Variants in CSMD1 observed in about 807,000 individuals in gnomAD.
CSMD1 encodes the protein CUB and Sushi multiple domains 1.
A neutral mutation model predicts 417.5 loss-of-function variants in CSMD1; 213 were observed. The observed-to-expected ratio is 0.51, with a 90% CI of 0.46 to 0.57. CSMD1 has a LOEUF of 0.57. Among genes scored for constraint, CSMD1 ranks in the 20% least tolerant of loss-of-function variants. The pLI is 0.00. For synonymous variants in CSMD1, 2,862 were observed against 1,736.8 expected (o/e 1.65, Z -16.11); for missense variants, 6,923 against 4,529.7 (o/e 1.53, Z -15.17).
At chr8:3,254,157 A>ATTCTGGGTTGAAAGTTCTT (rs902461151) in intron 26 of CSMD1, among the ~76,000 whole-genome samples, 3 of 152,158 alleles carry the variant, frequency 2.0e-5, no homozygotes, top group Admixed American at 1.3e-4. Flanking sequence ...CGGATATGAA[A>ATTCTGGGTTGAAAGTTCTT]TTCTGGGTTG....
At chr8:3,705,252 G>A (rs1460587452) in intron 7 of CSMD1, among the ~76,000 whole-genome samples, 1 of 152,208 alleles carries the variant, frequency 6.6e-6, no homozygotes, top group Non-Finnish European at 1.5e-5. Flanking sequence ...AGAGGGACAT[G>A]AACGCACAAG....
At chr8:3,657,036 C>CTG (rs1563241342) in intron 7 of CSMD1, among the ~76,000 whole-genome samples, 1 of 143,582 alleles carries the variant, frequency 7.0e-6, no homozygotes, top group Non-Finnish European at 1.6e-5. Flanking sequence ...AGGAAAGTGT[C>CTG]TGCCAGGGCA....
chr8:3,555,228 T>C (rs1321418210), intron 10 of CSMD1, among the ~76,000 whole-genome samples: 1 of 150,556 alleles, frequency 6.6e-6, no homozygotes, highest in Non-Finnish European at 1.5e-5. Flanking sequence ...TGAGCAGTGC[T>C]TGTGAAATGT....
intron 2 of CSMD1, among the ~76,000 whole-genome samples, chr8:4,570,882 T>C (rs1798861575): frequency 6.6e-6 from 1 of 152,196 alleles, no homozygotes. Context: ...AGAGTATGTG[T>C]ACCCAGGAAT....
At chr8:3,869,585 C>G (rs892604368) in intron 5 of CSMD1, among the ~76,000 whole-genome samples, 1 of 152,098 alleles carries the variant, frequency 6.6e-6, no homozygotes. Context: ...ACCTATCTAT[C>G]AGATATAAAT....
intron 11 of CSMD1, among the ~76,000 whole-genome samples, chr8:3,476,631 A>G (rs1817442085): frequency 6.6e-6 from 1 of 152,050 alleles, no homozygotes; most frequent in Non-Finnish European, 1.5e-5. Flanking sequence ...ATAAATAATG[A>G]ATCAGCCAGG....
At chr8:3,365,749 C>T (rs1809520239) in intron 20 of CSMD1, among the ~76,000 whole-genome samples, 1 of 152,156 alleles carries the variant, frequency 6.6e-6, no homozygotes, top group Non-Finnish European at 1.5e-5. Flanking sequence ...AAGAGTTACC[C>T]TCAGGTTTTC....
chr8:4,151,642 T>C (rs1368961985), intron 3 of CSMD1, among the ~76,000 whole-genome samples: 1 of 152,210 alleles, frequency 6.6e-6, no homozygotes, highest in Non-Finnish European at 1.5e-5. Context: ...ATCAAGAATC[T>C]GTGGCATCAT....
intron 2 of CSMD1, among the ~76,000 whole-genome samples, chr8:4,560,740 A>G (rs1323707237): frequency 6.6e-6 from 1 of 152,160 alleles, no homozygotes; most frequent in African/African-American, 2.4e-5. Context: ...TTCGGTTCCC[A>G]TCTTTCCTTC....
At chr8:4,435,089 C>G (rs573909588) in intron 2 of CSMD1, among the ~76,000 whole-genome samples, 1 of 151,712 alleles carries the variant, frequency 6.6e-6, no homozygotes, top group African/African-American at 2.4e-5. Context: ...AAAATGGAAG[C>G]CATTAACAGT....
At chr8:4,643,380 T>A (rs977616013) in intron 1 of CSMD1, among the ~76,000 whole-genome samples, 1 of 152,230 alleles carries the variant, frequency 6.6e-6, no homozygotes, top group Non-Finnish European at 1.5e-5. Flanking sequence ...AGGCAGATTT[T>A]TGACCTCCAA....
intron 5 of CSMD1, among the ~76,000 whole-genome samples, chr8:3,866,507 G>A (rs1326719203): frequency 6.6e-6 from 1 of 152,196 alleles, no homozygotes; most frequent in African/African-American, 2.4e-5. Flanking sequence ...GCCTGACGTG[G>A]TAAAGCATCA....
At chr8:4,360,119 C>G (rs1203433267) in intron 3 of CSMD1, among the ~76,000 whole-genome samples, 2 of 152,172 alleles carry the variant, frequency 1.3e-5, no homozygotes, top group Non-Finnish European at 2.9e-5. Flanking sequence ...GGTTTCCTCT[C>G]TGCAGGTTTG....
intron 5 of CSMD1, among the ~76,000 whole-genome samples, chr8:3,880,877 T>A (rs1280179318): frequency 6.6e-6 from 1 of 152,170 alleles, no homozygotes; most frequent in East Asian, 1.9e-4. Flanking sequence ...ATTTTTCTAG[T>A]CCTCCTTCGT....
At chr8:4,247,599 T>C (rs137912304) in intron 3 of CSMD1, among the ~76,000 whole-genome samples, 87 of 152,306 alleles carry the variant, frequency 5.7e-4, no homozygotes, top group Non-Finnish European at 1.0e-3. Context: ...GGCCCTGCAT[T>C]ACATAATTAC....
chr8:3,197,862 A>T (rs1170242815), intron 33 of CSMD1, among the ~76,000 whole-genome samples: 1 of 152,174 alleles, frequency 6.6e-6, no homozygotes, highest in African/African-American at 2.4e-5. Context: ...ATTGCTGTTG[A>T]GTAATTTATA....
intron 3 of CSMD1, among the ~76,000 whole-genome samples, chr8:4,184,590 C>G (rs1478075129): frequency 6.6e-6 from 1 of 151,940 alleles, no homozygotes; most frequent in African/African-American, 2.4e-5. Context: ...AGACCATTAT[C>G]TTTAGCAAAC....
chr8:3,701,190 T>C (rs1800845041), intron 7 of CSMD1, among the ~76,000 whole-genome samples: 1 of 152,038 alleles, frequency 6.6e-6, no homozygotes, highest in South Asian at 2.1e-4. Context: ...GGATAGGAAG[T>C]TCTGGCCCGT....
chr8:4,236,040 T>TTTTTG (rs1802033197), intron 3 of CSMD1, among the ~76,000 whole-genome samples: 2 of 28,700 alleles, frequency 7.0e-5, no homozygotes, highest in African/African-American at 2.1e-4. Flanking sequence ...TTTTTGTTTG[T>TTTTTG]TTTTTTTTTT....
Sources: gnomAD v4.1 joint callset for allele counts (sites outside exome capture counted in the v4.1 genomes callset) on GRCh38, gnomAD v4.1.1 for gene constraint, MANE v1.5 for transcripts, NCBI Gene and HGNC (gene_info 2026-07-23, HGNC 2026-07-21) for gene names.